The following NDUFS1 variants were observed in gnomAD, a reference collection of about 807,000 sequenced individuals.
The protein encoded by NDUFS1 is NADH-ubiquinone oxidoreductase 75 kDa subunit, mitochondrial.
Under a neutral mutation model 84.4 loss-of-function variants are expected in NDUFS1, and 61 were observed. The ratio of observed to expected loss-of-function variants is 0.72; its 90% CI spans 0.59 to 0.89. NDUFS1 has a LOEUF of 0.89. Among genes scored for constraint, NDUFS1 ranks in the 40% least tolerant of loss-of-function variants. The pLI, the probability that NDUFS1 is intolerant of heterozygous loss-of-function variation, is 0.00. For synonymous variants in NDUFS1, 275 were observed against 290.0 expected (o/e 0.95, Z 0.53); for missense variants, 891 against 890.0 (o/e 1.00, Z -0.01).
rs1691116483 is a variant in NDUFS1 at position 206,122,226 on chromosome 2, T to C, written c.*1959A>G. 6.6e-6 allele frequency: 1 copy of C among 151,392 alleles called. No homozygotes were observed. Among genetic ancestry groups the C allele is most frequent in the Non-Finnish European group, 1.5e-5 (1 of 67,860 alleles). 9.4% of individuals were successfully genotyped at this position (151,392 alleles called of 1,614,324 possible). The stretch of plus-strand genomic sequence containing the variant: ...CTGGCCTCAACTGATCTTCCTGCCT[T>C]GAACCCCCAAAATGCTGGGCTTACA... On this transcript the variant is annotated 3_prime_UTR_variant, in exon 19 of 19. Transcript: ENST00000233190.
intron 14 of NDUFS1, among the ~76,000 whole-genome samples, 189 bp from the exon 15 acceptor site, chr2:206,130,431 T>C (rs773604878): frequency 2.6e-5 from 4 of 152,196 alleles, no homozygotes; most frequent in African/African-American, 9.7e-5. Context: ...CTCGGCTCAC[T>C]GTAACCTCTG....
chr2:206,143,938 A>G, intron 10 of NDUFS1, 80 bp downstream of exon 10: 1 of 1,138,376 alleles, frequency 8.8e-7, no homozygotes. Context: ...AAGGGAAGAA[A>G]TATACATCCC....
In NDUFS1 at chr2:206,153,649, TA is replaced by T; in HGVS notation, c.29del (p.Leu10Ter). On this transcript the variant is annotated frameshift_variant, in exon 2 of 19. Coordinates refer to ENST00000233190, the MANE Select transcript of NDUFS1 (RefSeq NM_005006.7). LOFTEE classifies it high-confidence loss of function. ...CTTTAGGAGACTTAGAAAGGCCTAC[TA>T]AGGCCTTTCTTACAGGTATCCTTAA... Reference protein sequence around the residue: MLRIPVRKALVGLSKSPKGC... With the variant: MLRIPVRKAXVGLSKSPKGC... The T allele has an allele frequency of 6.5e-7, 1 of 1,548,312 alleles. No individual in the cohort carries two copies. Among genetic ancestry groups the T allele is most frequent in the Non-Finnish European group, 8.9e-7 (1 of 1,123,100 alleles).
intron 13 of NDUFS1, among the ~76,000 whole-genome samples, chr2:206,134,085 C>T (rs955883644): frequency 6.6e-6 from 1 of 152,184 alleles, no homozygotes; most frequent in Non-Finnish European, 1.5e-5. Flanking sequence ...ATCAAAGAAT[C>T]AGCATGGAAA....
At chr2:206,149,993 C>T (rs1692309984) in intron 3 of NDUFS1, 68 bp from the exon 4 acceptor site, 5 of 1,004,034 alleles carry the variant, frequency 5.0e-6, no homozygotes, top group South Asian at 1.3e-5. Flanking sequence ...GCTGTTATTG[C>T]TGAAACACAC....
At chr2:206,125,905 C>T (rs1208973368) in intron 18 of NDUFS1, among the ~76,000 whole-genome samples, 1 of 151,996 alleles carries the variant, frequency 6.6e-6, no homozygotes, top group Non-Finnish European at 1.5e-5. Context: ...TTTTGTTGTG[C>T]TTTTGAGCAT....
At chr2:206,153,484 C>G (rs1019162490) in intron 2 of NDUFS1, 134 bp downstream of exon 2, 6 of 618,488 alleles carry the variant, frequency 9.7e-6, no homozygotes, top group Non-Finnish European at 1.7e-5. Context: ...GCATGAGCCA[C>G]CACACCCGGC....
At chr2:206,143,342 A>G (rs1213771788) in intron 10 of NDUFS1, among the ~76,000 whole-genome samples, 1 of 152,224 alleles carries the variant, frequency 6.6e-6, no homozygotes, top group East Asian at 1.9e-4. Context: ...GCCACAGCTA[A>G]TAACATCAAC....
chr2:206,152,655 G>T (rs1575996840), intron 2 of NDUFS1, 145 bp from the exon 3 acceptor site: 5 of 654,388 alleles, frequency 7.6e-6, no homozygotes, highest in South Asian at 1.6e-5. Context: ...ACTTATGGTT[G>T]TCTACTTTTG....
At chr2:206,146,022 G>A (rs1192225178) in intron 8 of NDUFS1, among the ~76,000 whole-genome samples, 1 of 152,072 alleles carries the variant, frequency 6.6e-6, no homozygotes, top group East Asian at 1.9e-4. Context: ...AGACCCAAAG[G>A]GCCCAGTGCA....
At position 206,156,566 on chromosome 2, in the gene NDUFS1, C is replaced by A. The variant is rs1426886558; in HGVS notation, c.-5+2775G>T. Among the ~76,000 whole-genome samples the A allele has an allele frequency of 4.0e-5, 6 of 150,986 alleles. No individual in the cohort carries two copies. The East Asian group carries it at 5.8e-4, about 15-fold the overall frequency. ...CTCCAGCCTGGGTGACAGAATAAGA[C>A]CCTGTCTCAAAAAAAAAAGAAAAAA... On this transcript the variant is annotated intron_variant, in intron 1 of 18. Coordinates refer to ENST00000233190, the MANE Select transcript of NDUFS1 (RefSeq NM_005006.7).
intron 14 of NDUFS1, among the ~76,000 whole-genome samples, chr2:206,132,589 T>C (rs1204903377): frequency 6.6e-6 from 1 of 151,162 alleles, no homozygotes; most frequent in African/African-American, 2.4e-5. Context: ...GCCAAATAAT[T>C]AAAAAGAAAA....
In NDUFS1 at chr2:206,153,716, G is replaced by A. The variant is rs528238157; in HGVS notation, c.-4-34C>T. The A allele has an allele frequency of 1.7e-5, 20 of 1,185,116 alleles. No homozygotes were observed. The African/African-American group carries it at 2.6e-4, about 16-fold the overall frequency. The allele number at this position is 1,185,116 out of a possible 1,614,324, so 73.4% of individuals were successfully genotyped here. On this transcript the variant is annotated intron_variant, in intron 1 of 18. Transcript: ENST00000233190. ...AAAACAAAGAATTATATTATTGTAG[G>A]GAAAAAAACAATCACCAACTGTTTG...
rs553243825 is a variant in NDUFS1, at chr2:206,120,073, T to A, written c.*4112A>T. 2.0e-5 allele frequency: 3 copies of A among 152,332 alleles called. No individual in the cohort carries two copies. The highest frequency in any genetic ancestry group is 2.1e-4 in the South Asian group (1 of 4,824). The allele number at this position is 152,332 out of a possible 1,614,324, so 9.4% of individuals were successfully genotyped here. On this transcript the variant is annotated 3_prime_UTR_variant, in exon 19 of 19. Coordinates refer to ENST00000233190, the MANE Select transcript of NDUFS1 (RefSeq NM_005006.7). ...CTCTCTCTTGCTCCCTCTCTCACCA[T>A]GTGATATGCTCGCTCCCATTTTGCC... is the stretch of plus-strand genomic sequence containing the variant.
rs151271531 is a variant in NDUFS1 at position 206,128,260 on chromosome 2, G to C, written c.1709-288C>G. ...GGCTCACAGCAAGCTCTGCCTCCTG[G>C]GTTCATGCCATTCTTCTGTCTCAGC... On this transcript the variant is annotated intron_variant, in intron 15 of 18. Transcript: ENST00000233190. Among the ~76,000 whole-genome samples the C allele has an allele frequency of 7.1e-3, 1,083 of 151,996 alleles. 20 individuals are homozygous for C. The highest frequency in any genetic ancestry group is 0.025 in the African/African-American group (1,032 of 41,492).
Position 206,149,933 on chromosome 2 carries a change from T to TTA in NDUFS1, c.154-9_154-8insTA. The stretch of plus-strand genomic sequence containing the variant: ...GCCAACCTTCTCACAAGCCTAGAAG[T>TTA]AAAAAAAAAAAAAAAAAAAAAAAAA... On this transcript the variant is annotated splice_polypyrimidine_tract_variant and intron_variant, in intron 3 of 18. Coordinates refer to ENST00000233190, the MANE Select transcript of NDUFS1 (RefSeq NM_005006.7). 1.7e-6 allele frequency: 1 copy of TTA among 602,022 alleles called. No individual in the cohort carries two copies. 37.3% of individuals were successfully genotyped at this position (602,022 alleles called of 1,614,324 possible).
rs77452503 is a variant in NDUFS1 at position 206,127,120 on chromosome 2, A to G, written c.1885-276T>C. 1.1e-3 allele frequency among the ~76,000 whole-genome samples: 170 copies of G among 152,356 alleles called. 1 individual carries two copies. The East Asian group carries it at 0.027, about 24-fold the overall frequency. On this transcript the variant is annotated intron_variant, in intron 16 of 18. Coordinates refer to ENST00000233190, the MANE Select transcript of NDUFS1 (RefSeq NM_005006.7). Reference sequence around the variant, plus strand: ...ATGTTTTTGCTAACCTGTTATTAAAATACATAAAGTTTACAATGTGTTATT... The same window carrying G: ...ATGTTTTTGCTAACCTGTTATTAAAGTACATAAAGTTTACAATGTGTTATT...
chr2:206,130,011 A>AT, intron 15 of NDUFS1, 77 bp downstream of exon 15: 1 of 1,564,330 alleles, frequency 6.4e-7, no homozygotes, highest in South Asian at 1.1e-5. Context: ...TCAGTTCACT[A>AT]AATATATTAC....
rs1401384577 is a variant in NDUFS1, at chr2:206,114,909, CTTAAT to C, written c.*9271_*9275del. 7.2e-5 allele frequency: 11 copies of C among 152,188 alleles called. No homozygotes were observed. Among genetic ancestry groups the C allele is most frequent in the African/African-American group, 9.7e-5 (4 of 41,440 alleles). 9.4% of individuals were successfully genotyped at this position (152,188 alleles called of 1,614,324 possible). On this transcript the variant is annotated 3_prime_UTR_variant, in exon 19 of 19. Transcript: ENST00000233190. ...ATACACACACACACATTATTGTACA[CTTAAT>C]TTATGTCCTTAATACATTCTGAAGC...
Sources: gnomAD v4.1 joint callset for allele counts (sites outside exome capture counted in the v4.1 genomes callset) on GRCh38, gnomAD v4.1.1 for gene constraint, MANE v1.5 for transcripts, NCBI Gene and HGNC (gene_info 2026-07-23, HGNC 2026-07-21) for gene names.